Variants in ZNF280C observed in about 807,000 individuals in gnomAD.
The protein encoded by ZNF280C is zinc finger protein 280C, also known as suppressor of hairy wing homolog 3.
A neutral mutation model predicts 53.6 loss-of-function variants in ZNF280C; 14 were observed. The ratio of observed to expected loss-of-function variants is 0.26; its 90% confidence interval spans 0.17 to 0.41. The LOEUF is 0.41. ZNF280C is among the 10% of genes least tolerant of loss of function. The pLI is 1.00. For missense variants in ZNF280C, 416 were observed against 547.1 expected (o/e 0.76, Z 2.39); for synonymous variants, 203 against 181.1 (o/e 1.12, Z -0.97).
chrX:130,251,302 A>AAAAAAAAAAAAAAAAAAAAC, intron 2 of ZNF280C, among the ~76,000 whole-genome samples: 2 of 102,682 alleles, frequency 1.9e-5, no homozygotes, highest in East Asian at 2.9e-4. Context: ...AAAAAAAAAA[A>AAAAAAAAAAAAAAAAAAAAC]AAAAAGACCA....
chrX:130,248,761 AG>A (rs1476326605), intron 2 of ZNF280C, among the ~76,000 whole-genome samples: 2 of 112,372 alleles, frequency 1.8e-5, no homozygotes, highest in Non-Finnish European at 3.8e-5. Flanking sequence ...GAGCTCCAGC[AG>A]GGTTGCCCCT....
intron 15 of ZNF280C, among the ~76,000 whole-genome samples, chrX:130,214,714 A>G (rs1428997970): frequency 8.9e-6 from 1 of 111,971 alleles, no homozygotes; most frequent in Non-Finnish European, 1.9e-5. Flanking sequence ...TGTAACTGCT[A>G]TTACATAGTT....
chrX:130,225,037 T>C (rs772668691), intron 12 of ZNF280C, among the ~76,000 whole-genome samples: 2 of 111,728 alleles, frequency 1.8e-5, no homozygotes, highest in African/African-American at 3.3e-5. Flanking sequence ...TGGGTAACTC[T>C]TTCCAATACA....
At position 130,256,603 on chromosome X, in the gene ZNF280C, A is replaced by G. The variant is rs973769034; in HGVS notation, c.31+3816T>C. ...CTCCATCTCAAGAAAAAAAGGGGAC[A>G]AAGAAGTGGGGGGGCGCGGTAGCTC... On this transcript the variant is annotated intron_variant, in intron 2 of 18. Coordinates refer to ENST00000370978, the MANE Select transcript of ZNF280C (RefSeq NM_017666.5). Among the ~76,000 whole-genome samples the G allele has an allele frequency of 4.6e-5, 5 of 108,804 alleles. No homozygotes were observed. In the East Asian group the frequency reaches 1.5e-3, roughly 32 times the overall value. 94.5% of individuals were successfully genotyped at this position (108,804 alleles called of 115,157 possible). A position where few individuals can be genotyped will look rare whatever the true frequency, so the allele number is the denominator to read the frequency against.
At chrX:130,263,296 A>C (rs1695610893) in intron 1 of ZNF280C, among the ~76,000 whole-genome samples, 1 of 112,778 alleles carries the variant, frequency 8.9e-6, no homozygotes, top group South Asian at 3.6e-4. Flanking sequence ...AAAAAGTGGA[A>C]ACAACTCAAA....
At chrX:130,215,388 G>A in intron 14 of ZNF280C, 55 bp from the exon 15 acceptor site, 2 of 1,039,791 alleles carry the variant, frequency 1.9e-6, no homozygotes, top group Non-Finnish European at 1.3e-6. Context: ...AAATAACAGG[G>A]GAAAATCTTA....
chrX:130,219,613 A>G (rs1170748047), intron 13 of ZNF280C, among the ~76,000 whole-genome samples: 8 of 110,475 alleles, frequency 7.2e-5, no homozygotes, highest in African/African-American at 1.3e-4. Flanking sequence ...GCTATCCAGG[A>G]GCAAAACTTG....
At chrX:130,242,011 G>A (rs950703690) in intron 5 of ZNF280C, among the ~76,000 whole-genome samples, 1 of 86,261 alleles carries the variant, frequency 1.2e-5, no homozygotes, top group African/African-American at 4.8e-5. Flanking sequence ...GGGGGGGGGC[G>A]GGTGGCAGAT....
At chrX:130,258,516 G>C (rs2032598083) in intron 2 of ZNF280C, among the ~76,000 whole-genome samples, 1 of 111,802 alleles carries the variant, frequency 8.9e-6, no homozygotes, top group African/African-American at 3.3e-5. Flanking sequence ...TTGATGTTCA[G>C]TAGTCTGCCT....
At chrX:130,228,862 C>A in intron 10 of ZNF280C, 115 bp downstream of exon 10, 1 of 718,949 alleles carries the variant, frequency 1.4e-6, no homozygotes, top group Non-Finnish European at 2.0e-6. Flanking sequence ...TCAATTTTGC[C>A]CTCATATTAC....
chrX:130,252,101 G>A (rs750038972), intron 2 of ZNF280C, among the ~76,000 whole-genome samples: 1 of 111,950 alleles, frequency 8.9e-6, no homozygotes, highest in Non-Finnish European at 1.9e-5. Context: ...GTGGCAGAAT[G>A]AGACGCTATC....
intron 16 of ZNF280C, among the ~76,000 whole-genome samples, chrX:130,206,453 G>A (rs1456071110): frequency 2.1e-5 from 2 of 97,488 alleles, no homozygotes; most frequent in Non-Finnish European, 2.0e-5. Context: ...TGCAAGCTCC[G>A]CCTCCCGGGT....
At chrX:130,205,258 A>G (rs1216390316) in intron 17 of ZNF280C, 39 bp downstream of exon 17, 2 of 1,135,757 alleles carry the variant, frequency 1.8e-6, no homozygotes, top group East Asian at 6.0e-5. Context: ...ACTGAAATAA[A>G]TATCAGAAAA....
In ZNF280C at chrX:130,206,460, G is replaced by A. The variant is rs190149875; in HGVS notation, c.2043-1045C>T. ...TGGCTCACTGCAAGCTCCGCCTCCCGGGTTCATGCCATTCTCCTGCCTCAG... is the reference window on the plus strand; with the variant it reads ...TGGCTCACTGCAAGCTCCGCCTCCCAGGTTCATGCCATTCTCCTGCCTCAG... On this transcript the variant is annotated intron_variant, in intron 16 of 18. Transcript: ENST00000370978. Among the ~76,000 whole-genome samples the A allele has an allele frequency of 7.6e-3, 769 of 100,845 alleles. 17 individuals carry two copies. The highest frequency in any genetic ancestry group is 0.072 in the Admixed American group (635 of 8,760). The allele number at this position is 100,845 out of a possible 115,157, so 87.6% of individuals were successfully genotyped here. A position where few individuals can be genotyped will look rare whatever the true frequency, so the allele number is the denominator to read the frequency against.
At chrX:130,265,502 A>G (rs2032678690) in intron 1 of ZNF280C, among the ~76,000 whole-genome samples, 1 of 112,468 alleles carries the variant, frequency 8.9e-6, no homozygotes, top group Non-Finnish European at 1.9e-5. Flanking sequence ...TTCTATAATC[A>G]CTAATTCCTA....
chrX:130,267,423 C>T (rs2032700884), intron 1 of ZNF280C, among the ~76,000 whole-genome samples: 1 of 111,661 alleles, frequency 9.0e-6, no homozygotes, highest in Non-Finnish European at 1.9e-5. Flanking sequence ...CCAAATTGAA[C>T]ATTGGATGAG....
At chrX:130,243,437 G>C (rs2032415372) in intron 5 of ZNF280C, 126 bp downstream of exon 5, 4 of 761,677 alleles carry the variant, frequency 5.3e-6, no homozygotes, top group Non-Finnish European at 7.6e-6. Flanking sequence ...GCCTGCCTTG[G>C]CCTCCCAAAG....
At chrX:130,209,326 CTT>C (rs2032016312) in intron 16 of ZNF280C, among the ~76,000 whole-genome samples, 1 of 112,303 alleles carries the variant, frequency 8.9e-6, no homozygotes, top group Non-Finnish European at 1.9e-5. Flanking sequence ...CAGTAAACAA[CTT>C]ATATACTTTA....
At chrX:130,237,037 C>T (rs2032342342) in intron 6 of ZNF280C, among the ~76,000 whole-genome samples, 1 of 111,716 alleles carries the variant, frequency 9.0e-6, no homozygotes, top group Non-Finnish European at 1.9e-5. Flanking sequence ...TACACATCAA[C>T]TTATATTTAG....
Sources: gnomAD v4.1 joint callset for allele counts (sites outside exome capture counted in the v4.1 genomes callset) on GRCh38, gnomAD v4.1.1 for gene constraint, MANE v1.5 for transcripts, NCBI Gene and HGNC (gene_info 2026-07-23, HGNC 2026-07-21) for gene names.